The following AK7 variants were observed in gnomAD, a reference collection of about 807,000 sequenced individuals.
The protein encoded by AK7 is adenylate kinase 7, also known as ATP-AMP transphosphorylase 7.
A neutral mutation model predicts 96.6 loss-of-function variants in AK7; 78 were observed. The ratio of observed to expected loss-of-function variants is 0.81; its 90% CI spans 0.67 to 0.97. The LOEUF (loss-of-function observed/expected upper bound fraction) is 0.97, where lower values mean the gene tolerates loss of function less well. AK7 is among the 50% of genes least tolerant of loss of function. The pLI is 0.00. For synonymous variants in AK7, 302 were observed against 317.2 expected, an observed-to-expected ratio of 0.95 and a Z score of 0.51; for missense variants, 855 against 887.9, an observed-to-expected ratio of 0.96 and a Z score of 0.47.
At chr14:96,447,789 A>G (rs888616167) in intron 8 of AK7, among the ~76,000 whole-genome samples, 31 of 152,116 alleles carry the variant, frequency 2.0e-4, no homozygotes, top group African/African-American at 7.5e-4. Context: ...TGTGCCCAGC[A>G]TCAGGAGTCT....
rs747129726 is a variant in AK7, at chr14:96,446,614, T to C, written c.870+7T>C. 4.3e-6 allele frequency: 7 copies of C among 1,612,262 alleles called. No individual in the cohort carries two copies. Among genetic ancestry groups the C allele is most frequent in the Non-Finnish European group, 5.9e-6 (7 of 1,178,342 alleles). ...CCTGGAAGACATAGTCAAGGTACAG[T>C]GGTTTCATCCCATACTTTGATGACA... On this transcript the variant is annotated splice_region_variant and intron_variant, in intron 8 of 17. Transcript: ENST00000267584.
intron 16 of AK7, among the ~76,000 whole-genome samples, chr14:96,485,853 T>C (rs1895737544): frequency 6.7e-6 from 1 of 149,762 alleles, no homozygotes; most frequent in South Asian, 2.1e-4. Context: ...TGGAGTGCAG[T>C]GTTACGATCT....
Position 96,399,056 on chromosome 14 carries a change from C to A in AK7, c.294+793C>A, listed in dbSNP as rs1242857968. On this transcript the variant is annotated intron_variant, in intron 2 of 17. Transcript: ENST00000267584. The surrounding 1 kb of genome is among the most constrained non-coding windows in gnomAD (Gnocchi z 4.1). ...CATGATTCCTACTTCTCCCTCACTCCCAGTTTGGATTCTGAGCTCTTTTCT... is the reference window on the plus strand; with the variant it reads ...CATGATTCCTACTTCTCCCTCACTCACAGTTTGGATTCTGAGCTCTTTTCT... 2.0e-5 allele frequency: 3 copies of A among 151,586 alleles called. No individual in the cohort carries two copies. Among genetic ancestry groups the A allele is most frequent in the Admixed American group, 2.0e-4 (3 of 15,178 alleles). The allele number at this position is 151,586 out of a possible 1,614,324, so 9.4% of individuals were successfully genotyped here.
chr14:96,457,511 A>G (rs1400247035), intron 11 of AK7, among the ~76,000 whole-genome samples: 2 of 152,120 alleles, frequency 1.3e-5, no homozygotes, highest in Non-Finnish European at 2.9e-5. Context: ...AGTTATGAAA[A>G]CACAACACTC....
chr14:96,398,042 C>G, intron 1 of AK7, 33 bp from the exon 2 acceptor site: 1 of 1,600,052 alleles, frequency 6.2e-7, no homozygotes, highest in Non-Finnish European at 8.5e-7. Flanking sequence ...CTAATTTTCT[C>G]TTACCATTTG....
chr14:96,478,774 T>C, intron 15 of AK7, 112 bp downstream of exon 15: 1 of 1,074,918 alleles, frequency 9.3e-7, no homozygotes, highest in Non-Finnish European at 1.3e-6. Flanking sequence ...TAATCATGGG[T>C]TGGGGCACAG....
At position 96,478,605 on chromosome 14, in the gene AK7, G is replaced by A. The variant is rs114440862; in HGVS notation, c.1696G>A (p.Asp566Asn). Residue 566 changes from aspartate to asparagine, a missense_variant, in exon 15 of 18, where the codon GAC (aspartate) becomes AAC (asparagine). Physicochemically the swap from Asp to Asn is conservative, Grantham distance 23. Transcript: ENST00000267584. ...ALSNYRDINIDDETVFNYFDE... is the reference protein window; with the variant it reads ...ALSNYRDININDETVFNYFDE... ...GAGCAACTACCGGGACATCAATATCGACGATGAGACTGTCTTCAACTATTT... is the reference window on the plus strand; with the variant it reads ...GAGCAACTACCGGGACATCAATATCAACGATGAGACTGTCTTCAACTATTT... The A allele has an allele frequency of 6.2e-6, 10 of 1,614,126 alleles. No individual in the cohort carries two copies. The highest frequency in any genetic ancestry group is 4.0e-5 in the African/African-American group (3 of 75,042).
chr14:96,454,764 T>A (rs1169815149), intron 10 of AK7, among the ~76,000 whole-genome samples: 2 of 151,752 alleles, frequency 1.3e-5, no homozygotes, highest in Non-Finnish European at 2.9e-5. Flanking sequence ...CAGGCTCGCC[T>A]CAAACTCCTG....
At chr14:96,402,986 G>A (rs1254916984) in intron 2 of AK7, among the ~76,000 whole-genome samples, 1 of 151,918 alleles carries the variant, frequency 6.6e-6, no homozygotes, top group Non-Finnish European at 1.5e-5. Context: ...AAAATAGTGG[G>A]TGCCTGTAAT....
chr14:96,477,989 C>T (rs1895278273), intron 14 of AK7, among the ~76,000 whole-genome samples: 1 of 152,060 alleles, frequency 6.6e-6, no homozygotes, highest in Non-Finnish European at 1.5e-5. Flanking sequence ...TCAGCCCGCA[C>T]ATAGTAAGAC....
chr14:96,458,162 A>G lies in AK7; in HGVS notation c.1307A>G (p.Asp436Gly), dbSNP rs776477501. Reference sequence around the variant, plus strand: ...GAAGAGGAGGAGGAGAATGTGGAAGATGCACAGGAGCTCCTAGATGGCATC... The same window carrying G: ...GAAGAGGAGGAGGAGAATGTGGAAGGTGCACAGGAGCTCCTAGATGGCATC... ...EEEEEEENVE[D>G]AQELLDGIKE... is the part of the protein sequence containing the mutation. Residue 436 changes from aspartate to glycine, a missense_variant, in exon 12 of 18, where the codon GAT becomes GGT. Coordinates refer to ENST00000267584, the MANE Select transcript of AK7 (RefSeq NM_152327.5). 1.9e-6 allele frequency: 3 copies of G among 1,614,100 alleles called. No individual in the cohort carries two copies. The highest frequency in any genetic ancestry group is 2.2e-5 in the South Asian group (2 of 91,088).
chr14:96,451,309 C>T lies in AK7; in HGVS notation c.949-112C>T, dbSNP rs114559730. On this transcript the variant is annotated intron_variant, in intron 9 of 17. Transcript: ENST00000267584. ...TCAGTGCTGGATTAATTGACTTCCACGTTTAGTGAATGTATATTGTTTTTC... is the reference window on the plus strand; with the variant it reads ...TCAGTGCTGGATTAATTGACTTCCATGTTTAGTGAATGTATATTGTTTTTC... 6.3e-4 allele frequency: 574 copies of T among 915,612 alleles called. 3 individuals are homozygous for T. The African/African-American group carries it at 8.7e-3, about 14-fold the overall frequency. 56.7% of individuals were successfully genotyped at this position (915,612 alleles called of 1,614,324 possible). A position where few individuals can be genotyped will look rare whatever the true frequency, so the allele number is the denominator to read the frequency against.
At chr14:96,446,434 G>A (rs1893236706) in intron 7 of AK7, 83 bp from the exon 8 acceptor site, 1 of 1,178,100 alleles carries the variant, frequency 8.5e-7, no homozygotes, top group Non-Finnish European at 1.3e-6. Flanking sequence ...GCCCAGCCAT[G>A]GGGGTGGTGG....
At chr14:96,465,587 A>G (rs1251510173) in intron 12 of AK7, among the ~76,000 whole-genome samples, 1 of 152,214 alleles carries the variant, frequency 6.6e-6, no homozygotes, top group African/African-American at 2.4e-5. Flanking sequence ...AATACACTAA[A>G]AGTAGATTAA....
At chr14:96,482,484 T>C (rs1413453397) in intron 15 of AK7, among the ~76,000 whole-genome samples, 6 of 152,224 alleles carry the variant, frequency 3.9e-5, no homozygotes, top group Non-Finnish European at 8.8e-5. Flanking sequence ...TTCTTCTCTT[T>C]GGTCTTGATA....
chr14:96,456,185 C>T (rs770719603), intron 10 of AK7, among the ~76,000 whole-genome samples, 162 bp from the exon 11 acceptor site: 5 of 132,212 alleles, frequency 3.8e-5, no homozygotes, highest in East Asian at 2.3e-4. Context: ...TTGCAGTAAG[C>T]GAGATCATGC....
chr14:96,449,803 G>A lies in AK7; in HGVS notation c.872G>A (p.Cys291Tyr). 1 of 1,606,242 alleles carries A rather than the reference G, an allele frequency of 6.2e-7. No homozygotes were observed. Among genetic ancestry groups the A allele is most frequent in the East Asian group, 2.2e-5 (1 of 44,802 alleles). The change falls in exon 9 of 18, where the codon TGT becomes TAT. Residue 291 changes from cysteine to tyrosine, a missense_variant and splice_region_variant. Cys to Tyr is a radical substitution (Grantham distance 194). Coordinates refer to ENST00000267584, the MANE Select transcript of AK7 (RefSeq NM_152327.5). ...AATATTTCGATTTTCCTCTAACAGT[G>A]TATCAGTAAAAATACTGGCCCTGGG... ...SVHTLEDIVK[C>Y]ISKNTGPGKI...
In AK7 at chr14:96,465,383, A is replaced by G. The variant is rs548509040; in HGVS notation, c.1358-6095A>G. 6.6e-3 allele frequency among the ~76,000 whole-genome samples: 1,011 copies of G among 152,140 alleles called. 9 individuals are homozygous for G. Among genetic ancestry groups the G allele is most frequent in the African/African-American group, 0.023 (944 of 41,518 alleles). ...GAGGCTGAGGCAGGAGAATGGCGTG[A>G]ACCCGGGAGGCGGAGCTTGCAATGA... is the stretch of plus-strand genomic sequence containing the variant. On this transcript the variant is annotated intron_variant, in intron 12 of 17. Transcript: ENST00000267584.
chr14:96,483,099 G>A lies in AK7; in HGVS notation c.1854G>A (p.Lys618=). ...ATTATGGTTTAACAGACGAAGAAAA[G>A]GCAGAAGAGGAGCGGAAGGCTGCGG... ...PRNYGLTDEE[K]AEEERKAAEE... Residue 618 remains lysine, a synonymous_variant, in exon 16 of 18, where the codon AAG becomes AAA. Coordinates refer to ENST00000267584, the MANE Select transcript of AK7 (RefSeq NM_152327.5). 6.2e-7 allele frequency: 1 copy of A among 1,614,202 alleles called. No homozygotes were observed. Among genetic ancestry groups the A allele is most frequent in the Non-Finnish European group, 8.5e-7 (1 of 1,180,052 alleles).
Sources: allele counts gnomAD v4.1 joint callset (sites outside exome capture counted in the v4.1 genomes callset), GRCh38; gene constraint gnomAD v4.1.1; non-coding constraint Gnocchi (gnomAD v3.1); transcripts MANE v1.5; gene names NCBI Gene and HGNC (gene_info 2026-07-23, HGNC 2026-07-21).